EFCAB6: variants seen among roughly 807,000 people sequenced by gnomAD.
EFCAB6 encodes EF-hand calcium binding domain 6.
EFCAB6 carries 156 observed loss-of-function variants against 169.8 expected under a neutral mutation model. The observed-to-expected ratio is 0.92, with a 90% confidence interval of 0.81 to 1.05. The LOEUF (loss-of-function observed/expected upper bound fraction) is 1.05. EFCAB6 is among the 50% of genes least tolerant of loss of function. EFCAB6 has a pLI of 0.00. For missense variants in EFCAB6, 1,800 were observed against 1,829.1 expected (o/e 0.98, Z 0.29); for synonymous variants, 698 against 676.4 (o/e 1.03, Z -0.50).
intron 26 of EFCAB6, among the ~76,000 whole-genome samples, chr22:43,571,026 G>A (rs1213644064): frequency 6.6e-6 from 1 of 152,212 alleles, no homozygotes; most frequent in Non-Finnish European, 1.5e-5. Flanking sequence ...AGCAATGACA[G>A]GGGAGGACTC....
chr22:43,661,540 G>C (rs77609406), intron 17 of EFCAB6, among the ~76,000 whole-genome samples: 7,910 of 152,284 alleles, frequency 0.052, 337 homozygotes, highest in South Asian at 0.15. Context: ...CGCATCACAG[G>C]GTTGCTGTGA....
intron 6 of EFCAB6, among the ~76,000 whole-genome samples, chr22:43,747,618 G>A (rs964802337): frequency 6.6e-6 from 1 of 152,108 alleles, no homozygotes; most frequent in African/African-American, 2.4e-5. Flanking sequence ...GTTCACCCCC[G>A]TAGACATCTT....
intron 25 of EFCAB6, among the ~76,000 whole-genome samples, chr22:43,577,897 A>G (rs2050367376): frequency 1.3e-5 from 2 of 151,754 alleles, no homozygotes; most frequent in Admixed American, 1.3e-4. Flanking sequence ...AAAAAAAAAA[A>G]GTTTAAAATA....
intron 21 of EFCAB6, among the ~76,000 whole-genome samples, chr22:43,614,088 A>G (rs1041143014): frequency 3.3e-5 from 5 of 151,636 alleles, no homozygotes; most frequent in African/African-American, 1.2e-4. Context: ...GGTTCAATTC[A>G]ATCCAAATCA....
At chr22:43,673,307 T>C (rs537289508) in intron 13 of EFCAB6, among the ~76,000 whole-genome samples, 1 of 152,160 alleles carries the variant, frequency 6.6e-6, no homozygotes, top group Non-Finnish European at 1.5e-5. Flanking sequence ...AAAATAGTAA[T>C]AGAATAAAAC....
chr22:43,598,265 C>T (rs2052177885), intron 23 of EFCAB6, among the ~76,000 whole-genome samples: 1 of 140,714 alleles, frequency 7.1e-6, no homozygotes, highest in African/African-American at 2.8e-5. Context: ...CGTGATGGAG[C>T]CACTGCACTC....
intron 25 of EFCAB6, among the ~76,000 whole-genome samples, chr22:43,579,187 TAGGCATCATTCCGTACATGC>T (rs2050494862): frequency 2.2e-5 from 3 of 134,854 alleles, no homozygotes; most frequent in South Asian, 5.0e-4. Flanking sequence ...TCCATACACA[TAGGCATCATTCCGTACATGC>T]AGGCATCATT....
chr22:43,602,625 C>A (rs761078147), intron 22 of EFCAB6, among the ~76,000 whole-genome samples: 1 of 152,104 alleles, frequency 6.6e-6, no homozygotes, highest in Non-Finnish European at 1.5e-5. Flanking sequence ...CTGGTCAAGA[C>A]GCCCTCTGAA....
In EFCAB6 at chr22:43,812,271, C is replaced by T. The variant is rs930192322; in HGVS notation, c.-248G>A. 2.0e-4 allele frequency: 30 copies of T among 152,430 alleles called. No homozygotes were observed. The highest frequency in any genetic ancestry group is 7.0e-4 in the African/African-American group (29 of 41,606). The allele number at this position is 152,430 out of a possible 1,614,324, so 9.4% of individuals were successfully genotyped here. On this transcript the variant is annotated 5_prime_UTR_variant, in exon 1 of 32. Transcript: ENST00000262726. ...GGCTGCCCATTCGGCGTCTCTAGGA[C>T]GCTGTTGCCCGAGAGACGACGGCAG...
chr22:43,726,053 G>A (rs2059713495), intron 8 of EFCAB6, among the ~76,000 whole-genome samples: 1 of 152,066 alleles, frequency 6.6e-6, no homozygotes, highest in South Asian at 2.1e-4. Context: ...GGAATATACA[G>A]AATGACTGGA....
At chr22:43,574,477 C>T (rs775748464) in intron 26 of EFCAB6, among the ~76,000 whole-genome samples, 1 of 152,074 alleles carries the variant, frequency 6.6e-6, no homozygotes, top group South Asian at 2.1e-4. Flanking sequence ...GATGAGAAAT[C>T]GCAGGTGAAG....
chr22:43,556,862 A>T (rs1399638438), intron 26 of EFCAB6, among the ~76,000 whole-genome samples: 1 of 152,206 alleles, frequency 6.6e-6, no homozygotes, highest in African/African-American at 2.4e-5. Flanking sequence ...TTTTTATTTT[A>T]GAAAATAAAA....
chr22:43,569,095 AC>A (rs2147191074), intron 26 of EFCAB6, among the ~76,000 whole-genome samples: 1 of 152,238 alleles, frequency 6.6e-6, no homozygotes, highest in Admixed American at 6.5e-5. Context: ...CCGAGTGCCT[AC>A]CCTGTCCATG....
rs750266559 is a variant in EFCAB6 at position 43,672,261 on chromosome 22, G to C, written c.1464C>G (p.Leu488=). Residue 488 remains leucine, a synonymous_variant, in exon 14 of 32, where the codon CTC becomes CTG. Transcript: ENST00000262726. Reference sequence around the variant, plus strand: ...TGTTACTTACTGAATCCCAGGCCAGGAGGAAAGGTGTCTTAGCATCTGTAC... The same window carrying C: ...TGTTACTTACTGAATCCCAGGCCAGCAGGAAAGGTGTCTTAGCATCTGTAC... ...SPCTDAKTPF[L]LAWDSVEEIV... is the part of the protein sequence containing the mutation. The C allele has an allele frequency of 1.2e-5, 20 of 1,614,178 alleles. No individual in the cohort carries two copies. In the East Asian group the frequency reaches 4.2e-4, roughly 34 times the overall value.
chr22:43,570,921 G>A (rs1286379030), intron 26 of EFCAB6, among the ~76,000 whole-genome samples: 1 of 152,224 alleles, frequency 6.6e-6, no homozygotes, highest in Non-Finnish European at 1.5e-5. Flanking sequence ...ATGGAGCCCT[G>A]GGGCGGGCTG....
chr22:43,723,734 A>G (rs372824084), intron 8 of EFCAB6, among the ~76,000 whole-genome samples: 40 of 152,334 alleles, frequency 2.6e-4, no homozygotes, highest in African/African-American at 9.4e-4. Flanking sequence ...CATAAGCCAC[A>G]TCTGGGCCCA....
At chr22:43,679,065 T>A (rs749181476) in intron 12 of EFCAB6, among the ~76,000 whole-genome samples, 7 of 152,206 alleles carry the variant, frequency 4.6e-5, no homozygotes, top group Non-Finnish European at 1.0e-4. Flanking sequence ...CTTTAATACA[T>A]TTAAAGCATT....
At chr22:43,531,137 G>T (rs919270159) in intron 30 of EFCAB6, among the ~76,000 whole-genome samples, 173 bp from the exon 31 acceptor site, 1 of 152,180 alleles carries the variant, frequency 6.6e-6, no homozygotes, top group African/African-American at 2.4e-5. Context: ...ACAAAGATGC[G>T]CACCCGCCCC....
At chr22:43,554,403 T>C (rs75578490) in intron 27 of EFCAB6, 10,213 of 165,658 alleles carry the variant, frequency 0.062, 381 homozygotes, top group Admixed American at 0.091. Context: ...CTTTGTCTCT[T>C]TGCAGTCAGC....
Sources: allele counts gnomAD v4.1 joint callset (sites outside exome capture counted in the v4.1 genomes callset), GRCh38; gene constraint gnomAD v4.1.1; transcripts MANE v1.5; gene names NCBI Gene and HGNC (gene_info 2026-07-23, HGNC 2026-07-21).